The following GPCPD1 variants were observed in gnomAD, a reference collection of about 807,000 sequenced individuals.
The protein encoded by GPCPD1 is glycerophosphocholine phosphodiesterase GPCPD1.
A neutral mutation model predicts 89.2 loss-of-function variants in GPCPD1; 29 were observed. The observed-to-expected ratio is 0.33, with a 90% confidence interval of 0.24 to 0.44. GPCPD1 has a LOEUF of 0.44. Ranked by LOEUF, GPCPD1 falls within the 20% of genes least tolerant of loss-of-function variation. GPCPD1 has a pLI of 1.00. For synonymous variants in GPCPD1, 258 were observed against 266.3 expected (o/e 0.97, Z 0.30); for missense variants, 594 against 808.9 (o/e 0.73, Z 3.22).
intron 10 of GPCPD1, among the ~76,000 whole-genome samples, chr20:5,575,154 C>CA (rs1978286282): frequency 6.6e-6 from 1 of 152,208 alleles, no homozygotes; most frequent in Admixed American, 6.5e-5. Flanking sequence ...GACACACACA[C>CA]TGATGCTCCC....
In GPCPD1 at chr20:5,584,302, C is replaced by T. The variant is rs544604483; in HGVS notation, c.328G>A (p.Asp110Asn). The T allele has an allele frequency of 6.3e-6, 9 of 1,424,432 alleles. No homozygotes were observed. The highest frequency in any genetic ancestry group is 2.8e-5 in the African/African-American group (2 of 71,162). The allele number at this position is 1,424,432 out of a possible 1,614,324, so 88.2% of individuals were successfully genotyped here. A position where few individuals can be genotyped will look rare whatever the true frequency, so the allele number is the denominator to read the frequency against. The change falls in exon 6 of 20, where the codon GAT (aspartate) becomes AAT (asparagine). Residue 110 changes from aspartate to asparagine, a missense_variant. Transcript: ENST00000379019. ...TTACTGTGGATTCCAAATTGTCCAT[C>T]GTCAATAATAATTTCGCTTTCTAGA... ...TPLESEIIID[D>N]GQFGIHNGVE... is the part of the protein sequence containing the mutation.
chr20:5,567,256 C>T (rs895592085), intron 13 of GPCPD1, among the ~76,000 whole-genome samples: 3 of 151,780 alleles, frequency 2.0e-5, no homozygotes, highest in Non-Finnish European at 2.9e-5. Flanking sequence ...TGGTCTAGTT[C>T]GTTCCTTCAT....
Position 5,604,329 on chromosome 20 carries a change from ATTTTAATTGTTTTAAAG to A in GPCPD1, c.49+18_49+34del. ...TCCAGATAAGAAACATGCTAATTTAATTTTAATTGTTTTAAAGTAAAACTTTTACAATACCTGGTAAA... is the reference window on the plus strand; with the variant it reads ...TCCAGATAAGAAACATGCTAATTTAATAAAACTTTTACAATACCTGGTAAA... On this transcript the variant is annotated intron_variant, in intron 2 of 19. Coordinates refer to ENST00000379019, the MANE Select transcript of GPCPD1 (RefSeq NM_019593.5). 9.5e-7 allele frequency: 1 copy of A among 1,056,262 alleles called. No individual in the cohort carries two copies. The highest frequency in any genetic ancestry group is 1.5e-6 in the Non-Finnish European group (1 of 687,446). 65.4% of individuals were successfully genotyped at this position (1,056,262 alleles called of 1,614,324 possible).
At chr20:5,598,613 A>T in intron 3 of GPCPD1, 112 bp downstream of exon 3, 1 of 654,246 alleles carries the variant, frequency 1.5e-6, no homozygotes, top group Non-Finnish European at 2.7e-6. Flanking sequence ...GCAACGTGAT[A>T]ATGTTGATAA....
chr20:5,555,704 A>G (rs1195619962), intron 19 of GPCPD1, among the ~76,000 whole-genome samples: 1 of 152,046 alleles, frequency 6.6e-6, no homozygotes, highest in Non-Finnish European at 1.5e-5. Flanking sequence ...AAAAATACAA[A>G]AATTAGCCAG....
chr20:5,575,410 T>TA lies in GPCPD1; in HGVS notation c.1001+2dup. ...GCTAATCCTACTCAAATATTCAACT[T>TA]ACTGGGCAGTTGTTGTAGAGTTTCC... On this transcript the variant is annotated splice_region_variant and intron_variant, in intron 10 of 19. Transcript: ENST00000379019. 1.2e-6 allele frequency: 2 copies of TA among 1,602,232 alleles called. No homozygotes were observed. Among genetic ancestry groups the TA allele is most frequent in the Non-Finnish European group, 8.5e-7 (1 of 1,171,972 alleles).
intron 19 of GPCPD1, among the ~76,000 whole-genome samples, chr20:5,555,493 T>C (rs907668388): frequency 1.3e-5 from 2 of 151,672 alleles, no homozygotes; most frequent in African/African-American, 4.8e-5. Context: ...GAGCCGAGAT[T>C]GTGCCATTGC....
In GPCPD1 at chr20:5,603,231, T is replaced by G. The variant is rs530127685; in HGVS notation, c.49+1133A>C. Among the ~76,000 whole-genome samples, 14 of 152,180 alleles carry G rather than the reference T, an allele frequency of 9.2e-5. No individual in the cohort carries two copies. In the South Asian group the frequency reaches 1.5e-3, roughly 16 times the overall value. On this transcript the variant is annotated intron_variant, in intron 2 of 19. Transcript: ENST00000379019. ...TTGCTTAAACCCGGGAGGCGGAGGT[T>G]GCAGTGAGCTGGGATCGCATCACTG...
rs1243241497 is a variant in GPCPD1, at chr20:5,604,804, CA to C, written c.-28-365del. Among the ~76,000 whole-genome samples, 761 of 151,288 alleles carry C rather than the reference CA, an allele frequency of 5.0e-3. 9 individuals carry two copies. Among genetic ancestry groups the C allele is most frequent in the African/African-American group, 0.018 (719 of 41,062 alleles). On this transcript the variant is annotated intron_variant, in intron 1 of 19. Coordinates refer to ENST00000379019, the MANE Select transcript of GPCPD1 (RefSeq NM_019593.5). ...ACACACACACACACACACACACACA[CA>C]CGCCAGGCATGGGGAGCATGCCTGT...
chr20:5,583,612 A>G (rs1978712323), intron 6 of GPCPD1, among the ~76,000 whole-genome samples: 1 of 152,184 alleles, frequency 6.6e-6, no homozygotes. Flanking sequence ...CACAAATAAC[A>G]TTTTCAACAT....
intron 2 of GPCPD1, among the ~76,000 whole-genome samples, chr20:5,603,273 A>C (rs986824456): frequency 1.3e-5 from 2 of 152,182 alleles, no homozygotes; most frequent in African/African-American, 4.8e-5. Context: ...AGCCTGGGCG[A>C]CAGAGCAACA....
At chr20:5,610,615 G>A (rs1980901714) in intron 1 of GPCPD1, among the ~76,000 whole-genome samples, 1 of 152,058 alleles carries the variant, frequency 6.6e-6, no homozygotes. Flanking sequence ...CAGCAGAAGC[G>A]CGGCAGTGAA....
chr20:5,573,697 C>T (rs980820722), intron 11 of GPCPD1, among the ~76,000 whole-genome samples: 1 of 152,086 alleles, frequency 6.6e-6, no homozygotes, highest in Non-Finnish European at 1.5e-5. Context: ...GAGCCATGTT[C>T]GCACCACTGC....
Position 5,547,691 on chromosome 20 carries a change from G to A in GPCPD1, c.1989C>T (p.Ala663=), listed in dbSNP as rs769774052. The change falls in exon 20 of 20, where the codon GCC becomes GCT. Residue 663 remains alanine (A), a synonymous_variant. Transcript: ENST00000379019. The part of the protein sequence containing the change: ...LCGESDIHVD[A]NGIDNVENA ...CATTCTCCACGTTATCAATGCCGTT[G>A]GCATCCACATGGATATCAGACTCCC... The A allele has an allele frequency of 4.4e-6, 7 of 1,606,486 alleles. No individual in the cohort carries two copies. Among genetic ancestry groups the A allele is most frequent in the Non-Finnish European group, 6.0e-6 (7 of 1,174,414 alleles).
intron 4 of GPCPD1, among the ~76,000 whole-genome samples, chr20:5,587,826 CATT>C (rs1396300571): frequency 2.6e-5 from 4 of 152,158 alleles, no homozygotes; most frequent in African/African-American, 9.7e-5. Context: ...AAATTAGGCA[CATT>C]ATTAATTATT....
At chr20:5,604,738 G>A (rs1471355763) in intron 1 of GPCPD1, among the ~76,000 whole-genome samples, 1 of 147,822 alleles carries the variant, frequency 6.8e-6, no homozygotes, top group Non-Finnish European at 1.5e-5. Flanking sequence ...CCAGGAGTTT[G>A]AGACCAATTT....
At chr20:5,597,793 G>A (rs1389732773) in intron 3 of GPCPD1, among the ~76,000 whole-genome samples, 1 of 152,142 alleles carries the variant, frequency 6.6e-6, no homozygotes, top group Non-Finnish European at 1.5e-5. Context: ...GCAGAAGAGT[G>A]GCTGACACCC....
Position 5,561,505 on chromosome 20 carries a change from A to C in GPCPD1, c.1355T>G (p.Val452Gly). ...CCATTTTATTTCAATGTTAAACCCT[A>C]CATCTTCTGGCAAAGACTCTAAAAC... ...KMVLESLPEDVGFNIEIKWIC... is the reference protein window; with the variant it reads ...KMVLESLPEDGGFNIEIKWIC... Residue 452 changes from valine (V) to glycine (G), a missense_variant, in exon 16 of 20, where the codon GTA becomes GGA. By Grantham distance (109) the Val-to-Gly change is moderately radical. Transcript: ENST00000379019. 6.2e-7 allele frequency: 1 copy of C among 1,601,918 alleles called. No homozygotes were observed. Among genetic ancestry groups the C allele is most frequent in the Non-Finnish European group, 8.5e-7 (1 of 1,170,088 alleles).
chr20:5,600,120 G>A (rs1319389418), intron 2 of GPCPD1, among the ~76,000 whole-genome samples: 1 of 152,216 alleles, frequency 6.6e-6, no homozygotes, highest in Non-Finnish European at 1.5e-5. Flanking sequence ...GAGAACAGCT[G>A]GGATTCCAAG....
Sources: allele counts gnomAD v4.1 joint callset (sites outside exome capture counted in the v4.1 genomes callset), GRCh38; gene constraint gnomAD v4.1.1; transcripts MANE v1.5; gene names NCBI Gene and HGNC (gene_info 2026-07-23, HGNC 2026-07-21).